The following PLEKHG1 variants were observed in gnomAD, a reference collection of about 807,000 sequenced individuals.
PLEKHG1 encodes pleckstrin homology and RhoGEF domain containing G1.
PLEKHG1 carries 44 observed loss-of-function variants against 100.8 expected under a neutral mutation model. The observed-to-expected ratio is 0.44, with a 90% CI of 0.34 to 0.56. The LOEUF is 0.56. Among genes scored for constraint, PLEKHG1 ranks in the 20% least tolerant of loss-of-function variants. PLEKHG1 has a pLI of 0.01. For synonymous variants in PLEKHG1, 640 were observed against 662.5 expected, an observed-to-expected ratio of 0.97 and a Z score of 0.52; for missense variants, 1,545 against 1,720.9, an observed-to-expected ratio of 0.90 and a Z score of 1.81.
Position 150,681,823 on chromosome 6 carries a change from G to C in PLEKHG1, c.-99+31037G>C, listed in dbSNP as rs534374920. ...AATGAGCTTCCTGAACCCAAACTTT[G>C]CCGCTCCTCAATTTCTTTTTGGCCT... On this transcript the variant is annotated intron_variant, in intron 3 of 3. Transcript: ENST00000367326. Among the ~76,000 whole-genome samples, 3 of 152,196 alleles carry C rather than the reference G, an allele frequency of 2.0e-5. No individual in the cohort carries two copies. In the South Asian group the frequency reaches 6.2e-4, roughly 32 times the overall value.
At chr6:150,640,288 A>C (rs1294578248) in intron 2 of PLEKHG1, among the ~76,000 whole-genome samples, 1 of 152,222 alleles carries the variant, frequency 6.6e-6, no homozygotes, top group Non-Finnish European at 1.5e-5. Flanking sequence ...CCAAATGCGC[A>C]GGCTTGCCCA....
intron 3 of PLEKHG1, among the ~76,000 whole-genome samples, chr6:150,667,060 A>G (rs2128583185): frequency 6.6e-6 from 1 of 152,166 alleles, no homozygotes; most frequent in South Asian, 2.1e-4. Flanking sequence ...GCCCAGCCTG[A>G]TAAGATTTTT....
At chr6:150,689,855 CAA>C (rs58356927) in intron 3 of PLEKHG1, among the ~76,000 whole-genome samples, 62 of 84,658 alleles carry the variant, frequency 7.3e-4, no homozygotes, top group Admixed American at 7.0e-4. Flanking sequence ...AACTCTGTCT[CAA>C]AAAAAAAAAA....
rs61521577 is a variant in PLEKHG1 at position 150,774,531 on chromosome 6, ATTTTTTTTT to A, written c.512+5813_512+5821del. ...TCTATTTAGGCACTGATTAGTTTGAATTTTTTTTTTTTTTTTTTTTTTTTTTTTGAGACA... is the reference window on the plus strand; with the variant it reads ...TCTATTTAGGCACTGATTAGTTTGAATTTTTTTTTTTTTTTTTTTGAGACA... On this transcript the variant is annotated intron_variant, in intron 3 of 15. Coordinates refer to ENST00000358517, the Ensembl canonical transcript of PLEKHG1. Among the ~76,000 whole-genome samples, 332 of 87,162 alleles carry A rather than the reference ATTTTTTTTT, an allele frequency of 3.8e-3. 8 individuals are homozygous for A. The East Asian group carries it at 0.068, about 18-fold the overall frequency. 57.2% of individuals were successfully genotyped at this position (87,162 alleles called of 152,430 possible). A position where few individuals can be genotyped will look rare whatever the true frequency, so the allele number is the denominator to read the frequency against.
chr6:150,616,498 C>T (rs1777077922), intron 1 of PLEKHG1, among the ~76,000 whole-genome samples: 1 of 152,144 alleles, frequency 6.6e-6, no homozygotes, highest in African/African-American at 2.4e-5. Flanking sequence ...TATTAAAGTA[C>T]TTGATCAACT....
intron 4 of PLEKHG1, among the ~76,000 whole-genome samples, chr6:150,789,007 G>C (rs1301820006): frequency 6.6e-6 from 1 of 152,194 alleles, no homozygotes; most frequent in Non-Finnish European, 1.5e-5. Flanking sequence ...CCCGTATGCT[G>C]TTTACATATT....
chr6:150,835,025 C>T (rs138302163), intron 15 of PLEKHG1, among the ~76,000 whole-genome samples: 25 of 152,152 alleles, frequency 1.6e-4, no homozygotes, highest in Admixed American at 9.8e-4. Flanking sequence ...CCGTGTGGGC[C>T]TTGCCGCTTT....
chr6:150,698,425 T>C (rs1780632114), intron 3 of PLEKHG1, among the ~76,000 whole-genome samples: 2 of 152,160 alleles, frequency 1.3e-5, no homozygotes, highest in Non-Finnish European at 2.9e-5. Context: ...GACAATTTTG[T>C]TAGTTAAGGA....
chr6:150,616,326 T>G (rs1777070221), intron 1 of PLEKHG1, among the ~76,000 whole-genome samples: 1 of 152,144 alleles, frequency 6.6e-6, no homozygotes, highest in South Asian at 2.1e-4. Context: ...AGGATGGTAT[T>G]GTTGTAGAAG....
chr6:150,835,261 G>T (rs913473209), intron 15 of PLEKHG1, among the ~76,000 whole-genome samples: 2 of 152,166 alleles, frequency 1.3e-5, no homozygotes, highest in Admixed American at 1.3e-4. Context: ...GTCTTTGAGA[G>T]CAAGGAGGCC....
chr6:150,699,309 G>T (rs1235518588), intron 3 of PLEKHG1, among the ~76,000 whole-genome samples: 1 of 152,210 alleles, frequency 6.6e-6, no homozygotes, highest in East Asian at 1.9e-4. Context: ...GAAGTCTCTG[G>T]TGCCTGGCAG....
chr6:150,807,902 G>T (rs1261686475), intron 7 of PLEKHG1, among the ~76,000 whole-genome samples: 1 of 152,180 alleles, frequency 6.6e-6, no homozygotes, highest in Non-Finnish European at 1.5e-5. Context: ...CCAGGAGGGA[G>T]AGGTTGCAGT....
intron 3 of PLEKHG1, among the ~76,000 whole-genome samples, chr6:150,780,184 G>A (rs1318296142): frequency 1.4e-5 from 2 of 144,208 alleles, no homozygotes; most frequent in African/African-American, 5.2e-5. Context: ...TGCCCAGGCT[G>A]GAGTGCAGTG....
chr6:150,725,858 G>T (rs1022078914), intron 1 of PLEKHG1, among the ~76,000 whole-genome samples: 3 of 151,622 alleles, frequency 2.0e-5, no homozygotes, highest in Admixed American at 1.3e-4. Context: ...ATAAGATAAG[G>T]GTTCATTTTT....
At chr6:150,625,830 A>T (rs1562391619) in intron 1 of PLEKHG1, 1 of 152,140 alleles carries the variant, frequency 6.6e-6, no homozygotes. Context: ...TTCCAAATAA[A>T]GTTACATTCT....
chr6:150,810,538 G>GAAAA (rs1491358599), intron 10 of PLEKHG1, among the ~76,000 whole-genome samples: 1 of 114,472 alleles, frequency 8.7e-6, no homozygotes, highest in African/African-American at 3.0e-5. Flanking sequence ...AAGAAAGAAA[G>GAAAA]GAAGAAAGGA....
At chr6:150,760,635 C>CTTTTT (rs34394040) in intron 2 of PLEKHG1, among the ~76,000 whole-genome samples, 3 of 115,826 alleles carry the variant, frequency 2.6e-5, no homozygotes, top group Non-Finnish European at 3.7e-5. Context: ...AAATGCTTTG[C>CTTTTT]TTTTTTTTTT....
exon 13 of PLEKHG1, chr6:150,821,209 T>A (rs1454704265): frequency 6.2e-7 from 1 of 1,613,278 alleles, no homozygotes; most frequent in Admixed American, 1.7e-5. Flanking sequence ...TTCCTCACGG[T>A]CACATAAAGT....
At chr6:150,809,660 C>G in exon 10 of PLEKHG1, 7 of 1,611,956 alleles carry the variant, frequency 4.3e-6, no homozygotes, top group Non-Finnish European at 5.1e-6. Context: ...CAAATCCCAG[C>G]AAGACAAACG....
Sources: gnomAD v4.1 joint callset for allele counts (sites outside exome capture counted in the v4.1 genomes callset) on GRCh38, gnomAD v4.1.1 for gene constraint, MANE v1.5 for transcripts, NCBI Gene and HGNC (gene_info 2026-07-23, HGNC 2026-07-21) for gene names.